The following STX11 variants were observed in gnomAD, a reference collection of about 807,000 sequenced individuals.
STX11 encodes syntaxin-11.
Under a neutral mutation model 19.9 loss-of-function variants are expected in STX11, and 21 were observed. The observed-to-expected ratio is 1.06, with a 90% CI of 0.75 to 1.52. STX11 has a LOEUF of 1.52. Ranked by LOEUF, STX11 falls within the 40% of genes most tolerant of loss-of-function variation. The pLI is 0.00. For synonymous variants in STX11, 193 were observed against 174.4 expected (o/e 1.11, Z -0.84); for missense variants, 438 against 405.9 (o/e 1.08, Z -0.68).
At chr6:144,150,359 G>A (rs1800964200), upstream of STX11, among the ~76,000 whole-genome samples, 1 of 152,192 alleles carries the variant, frequency 6.6e-6, no homozygotes, top group Non-Finnish European at 1.5e-5. Context: ...GCGCGTCCCC[G>A]GCTCCGGGCG....
chr6:144,167,766 ACAC>A lies in STX11; in HGVS notation c.-6+17067_-6+17069del, dbSNP rs1801522116. ...CCCAAGCAGCTGGGAATACAGGTGT[ACAC>A]CACTGCTCTCGGCTAATTATTGTAG... On this transcript the variant is annotated intron_variant, in intron 1 of 1. Coordinates refer to ENST00000367568, the MANE Select transcript of STX11 (RefSeq NM_003764.4). The surrounding 1 kb of genome is among the most constrained non-coding windows in gnomAD (Gnocchi z 5.0). Among the ~76,000 whole-genome samples the A allele has an allele frequency of 7.2e-6, 1 of 138,708 alleles. No homozygotes were observed. Among genetic ancestry groups the A allele is most frequent in the South Asian group, 2.1e-4 (1 of 4,668 alleles). 91.0% of individuals were successfully genotyped at this position (138,708 alleles called of 152,430 possible).
In STX11 at chr6:144,172,387, C is replaced by T. The variant is rs1044501347; in HGVS notation, c.-5-14236C>T. Among the ~76,000 whole-genome samples, 2 of 152,140 alleles carry T rather than the reference C, an allele frequency of 1.3e-5. No homozygotes were observed. The highest frequency in any genetic ancestry group is 2.1e-4 in the South Asian group (1 of 4,824). ...TCCAGGAGGCTAGTCTGAGCTTTCT[C>T]ACATAATGGTTTCAGTGTTCCCAGA... On this transcript the variant is annotated intron_variant, in intron 1 of 1. Coordinates refer to ENST00000367568, the MANE Select transcript of STX11 (RefSeq NM_003764.4). The surrounding 1 kb of genome is among the most constrained non-coding windows in gnomAD (Gnocchi z 4.2).
chr6:144,156,135 G>A (rs899318366), intron 1 of STX11, among the ~76,000 whole-genome samples: 2 of 128,684 alleles, frequency 1.6e-5, no homozygotes, highest in Non-Finnish European at 3.2e-5. Context: ...TGTGATCTCC[G>A]CTCACCACAA....
At chr6:144,140,209 C>CATATTT in the STX11 span, among the ~76,000 whole-genome samples, 1 of 44,472 alleles carries the variant, frequency 2.2e-5, no homozygotes, top group African/African-American at 9.1e-5. Context: ...GGTCAATTCA[C>CATATTT]ATATATATAT....
At chr6:144,158,742 C>T (rs928503574) in intron 1 of STX11, among the ~76,000 whole-genome samples, 1 of 152,146 alleles carries the variant, frequency 6.6e-6, no homozygotes, top group Admixed American at 6.5e-5. Context: ...GAATGTTAAG[C>T]ATTCATAAAT....
the STX11 span, among the ~76,000 whole-genome samples, chr6:144,142,139 G>A: frequency 6.6e-6 from 1 of 151,398 alleles, no homozygotes; most frequent in Non-Finnish European, 1.5e-5. Flanking sequence ...TCTTAAATAG[G>A]GTTGAGTTGT....
rs1480416749 is a variant in STX11, at chr6:144,165,536, G to A, written c.-6+14833G>A. 6.6e-6 allele frequency among the ~76,000 whole-genome samples: 1 copy of A among 152,062 alleles called. No homozygotes were observed. The highest frequency in any genetic ancestry group is 1.5e-5 in the Non-Finnish European group (1 of 68,006). On this transcript the variant is annotated intron_variant, in intron 1 of 1. Coordinates refer to ENST00000367568, the MANE Select transcript of STX11 (RefSeq NM_003764.4). The surrounding 1 kb of genome is among the most constrained non-coding windows in gnomAD (Gnocchi z 5.8). The stretch of plus-strand genomic sequence containing the variant: ...TTTCTTAGCTCCTTTTATATAGTGA[G>A]TACAAAGCACCTAACTCTTGTCTTC...
chr6:144,186,653 T>C lies in STX11; in HGVS notation c.26T>C (p.Leu9Pro), dbSNP rs34470310. 8.7e-6 allele frequency: 14 copies of C among 1,614,122 alleles called. No individual in the cohort carries two copies. The highest frequency in any genetic ancestry group is 1.7e-5 in the Admixed American group (1 of 60,022). The change falls in exon 2 of 2, where the codon CTG becomes CCG. Residue 9 changes from leucine to proline, a missense_variant. Physicochemically the swap from Leu to Pro is moderately conservative, Grantham distance 98. Transcript: ENST00000367568. ...ATGAAAGACCGGCTAGCAGAACTTC[T>C]GGACTTGTCCAAGCAATATGACCAG... MKDRLAELLDLSKQYDQQF... is the reference protein window; with the variant it reads MKDRLAELPDLSKQYDQQF...
intron 1 of STX11, among the ~76,000 whole-genome samples, chr6:144,156,048 TTCCCCTCCCC>T (rs5880584): frequency 4.7e-4 from 43 of 91,922 alleles, no homozygotes; most frequent in Non-Finnish European, 7.5e-4. Flanking sequence ...CCTTCCTTCC[TTCCCCTCCCC>T]TCCCCTCCCC....
rs1801314953 is a variant in STX11 at position 144,160,790 on chromosome 6, A to G, written c.-6+10087A>G. 6.6e-6 allele frequency among the ~76,000 whole-genome samples: 1 copy of G among 152,204 alleles called. No individual in the cohort carries two copies. Among genetic ancestry groups the G allele is most frequent in the African/African-American group, 2.4e-5 (1 of 41,444 alleles). ...CCACAAAGACACCAAAAAAACTGGA[A>G]CTATAAATTATAGTGCAAGTGAACA... On this transcript the variant is annotated intron_variant, in intron 1 of 1. Coordinates refer to ENST00000367568, the MANE Select transcript of STX11 (RefSeq NM_003764.4). The surrounding 1 kb of genome is among the most constrained non-coding windows in gnomAD (Gnocchi z 4.3).
At chr6:144,150,434 C>T, upstream of STX11, 6 of 947,060 alleles carry the variant, frequency 6.3e-6, no homozygotes, top group African/African-American at 1.8e-5. Context: ...TGCCGCCGCG[C>T]CCCAGCGCTG....
At chr6:144,145,724 A>G (rs12174731), upstream of STX11, among the ~76,000 whole-genome samples, 31,457 of 152,170 alleles carry the variant, frequency 0.21, 3,859 homozygotes, top group South Asian at 0.36. Context: ...TAGAAGTAGA[A>G]CTGTGGTTAT....
intron 1 of STX11, among the ~76,000 whole-genome samples, chr6:144,161,614 C>A (rs1801343850): frequency 1.3e-5 from 2 of 152,140 alleles, no homozygotes; most frequent in East Asian, 3.9e-4. Context: ...GTGATCCACC[C>A]ACCTCAGCCT....
At chr6:144,140,805 C>T in the STX11 span, 3 of 984,996 alleles carry the variant, frequency 3.0e-6, no homozygotes, top group African/African-American at 5.3e-5. Context: ...GATCTCAGCC[C>T]CAAAGTAAGG....
In STX11 at chr6:144,162,219, C is replaced by T. The variant is rs529017950; in HGVS notation, c.-6+11516C>T. ...ATTACCCCACCATCACGCCCTTTCC[C>T]GTAGATACTCGGCCTTTTATTATGA... On this transcript the variant is annotated intron_variant, in intron 1 of 1. Coordinates refer to ENST00000367568, the MANE Select transcript of STX11 (RefSeq NM_003764.4). This position sits in a 1 kb window ranked among gnomAD's most constrained non-coding sequence, Gnocchi z 4.6. Among the ~76,000 whole-genome samples the T allele has an allele frequency of 7.9e-5, 12 of 152,280 alleles. No individual in the cohort carries two copies. The highest frequency in any genetic ancestry group is 3.9e-4 in the East Asian group (2 of 5,184).
At chr6:144,140,244 ATATATATATATT>A in the STX11 span, among the ~76,000 whole-genome samples, 1,028 of 50,144 alleles carry the variant, frequency 0.021, 6 homozygotes, top group Non-Finnish European at 0.026. Flanking sequence ...ATATATATAT[ATATATATATATT>A]TATTTATTTA....
In STX11 at chr6:144,183,792, A is replaced by G. The variant is rs923714227; in HGVS notation, c.-5-2831A>G. ...GCGCAGGTTTGTTACAGAGGTAAACATGTGCCATGGTGGTTTGCTGCACAG... is the reference window on the plus strand; with the variant it reads ...GCGCAGGTTTGTTACAGAGGTAAACGTGTGCCATGGTGGTTTGCTGCACAG... On this transcript the variant is annotated intron_variant, in intron 1 of 1. Coordinates refer to ENST00000367568, the MANE Select transcript of STX11 (RefSeq NM_003764.4). This position sits in a 1 kb window ranked among gnomAD's most constrained non-coding sequence, Gnocchi z 4.6. Among the ~76,000 whole-genome samples, 2 of 152,146 alleles carry G rather than the reference A, an allele frequency of 1.3e-5. No homozygotes were observed. Among genetic ancestry groups the G allele is most frequent in the Non-Finnish European group, 2.9e-5 (2 of 68,034 alleles).
chr6:144,186,859 C>T lies in STX11; in HGVS notation c.232C>T (p.Arg78Cys). The T allele has an allele frequency of 6.2e-7, 1 of 1,612,962 alleles. No individual in the cohort carries two copies. Reference sequence around the variant, plus strand: ...CGCCCGCTTCCTCACGTCCATGCGGCGCCTCAGCAGCATCAAGCGCGACAC... The same window carrying T: ...CGCCCGCTTCCTCACGTCCATGCGGTGCCTCAGCAGCATCAAGCGCGACAC... ...QNARFLTSMR[R>C]LSSIKRDTNS... Residue 78 changes from arginine (R) to cysteine (C), a missense_variant, in exon 2 of 2, where the codon CGC becomes TGC. Arg to Cys is a radical substitution (Grantham distance 180, BLOSUM62 -3). Transcript: ENST00000367568.
upstream of STX11, among the ~76,000 whole-genome samples, chr6:144,146,890 G>C (rs770661713): frequency 1.4e-4 from 22 of 152,166 alleles, no homozygotes; most frequent in Non-Finnish European, 2.5e-4. This position sits in a 1 kb window ranked among gnomAD's most constrained non-coding sequence, Gnocchi z 4.4. Context: ...GCCTGAAAAA[G>C]TAAATTGTGG....
Sources: gnomAD v4.1 joint callset for allele counts (sites outside exome capture counted in the v4.1 genomes callset) on GRCh38, gnomAD v4.1.1 for gene constraint, Gnocchi (gnomAD v3.1) non-coding constraint, MANE v1.5 for transcripts, NCBI Gene and HGNC (gene_info 2026-07-23, HGNC 2026-07-21) for gene names.